NUP210L: variants seen among roughly 807,000 people sequenced by gnomAD.
NUP210L encodes the protein nuclear pore membrane glycoprotein 210-like.
A neutral mutation model predicts 208.5 loss-of-function variants in NUP210L; 74 were observed. That is an observed-to-expected ratio of 0.35 (90% CI 0.29 to 0.43). The LOEUF (loss-of-function observed/expected upper bound fraction) is 0.43, where lower values mean the gene tolerates loss of function less well. Ranked by LOEUF, NUP210L falls within the 20% of genes least tolerant of loss-of-function variation. The pLI, the probability that NUP210L is intolerant of heterozygous loss-of-function variation, is 1.00. For synonymous variants in NUP210L, 780 were observed against 816.9 expected, an observed-to-expected ratio of 0.95 and a Z score of 0.77; for missense variants, 1,843 against 2,289.4, an observed-to-expected ratio of 0.81 and a Z score of 3.98.
At chr1:154,045,557 A>G (rs1653127586) in intron 27 of NUP210L, among the ~76,000 whole-genome samples, 1 of 152,228 alleles carries the variant, frequency 6.6e-6, no homozygotes, top group Non-Finnish European at 1.5e-5. Context: ...ATAATCATAC[A>G]GTATTATCTG....
intron 1 of NUP210L, among the ~76,000 whole-genome samples, chr1:154,153,272 A>G (rs1659492388): frequency 6.6e-6 from 1 of 152,092 alleles, no homozygotes; most frequent in Non-Finnish European, 1.5e-5. Flanking sequence ...TGTGAGTCCA[A>G]CTCAAAATAC....
intron 33 of NUP210L, among the ~76,000 whole-genome samples, chr1:154,012,735 G>A (rs1216586468): frequency 6.6e-6 from 1 of 151,444 alleles, no homozygotes; most frequent in Non-Finnish European, 1.5e-5. Context: ...GCCGCGCGCG[G>A]TGGCTCACGT....
chr1:154,122,002 T>C (rs1460383836), intron 10 of NUP210L, among the ~76,000 whole-genome samples: 1 of 151,970 alleles, frequency 6.6e-6, no homozygotes, highest in Non-Finnish European at 1.5e-5. Context: ...AAACCAACAG[T>C]TGCTCTTTGA....
At chr1:154,054,929 C>T in intron 23 of NUP210L, 97 bp from the exon 24 acceptor site, 7 of 789,150 alleles carry the variant, frequency 8.9e-6, no homozygotes, top group Non-Finnish European at 1.5e-5. Context: ...TAGACAGAGT[C>T]TTGCTCTGTT....
At chr1:154,115,769 G>A (rs1406026700) in intron 12 of NUP210L, among the ~76,000 whole-genome samples, 2 of 151,998 alleles carry the variant, frequency 1.3e-5, no homozygotes, top group African/African-American at 4.8e-5. Flanking sequence ...GATAATAAAT[G>A]TTCACTGAGT....
intron 12 of NUP210L, among the ~76,000 whole-genome samples, chr1:154,116,148 G>A (rs949584022): frequency 2.0e-5 from 3 of 151,360 alleles, no homozygotes; most frequent in Admixed American, 6.6e-5. Context: ...CCAGCTACTC[G>A]GGAGGCTGAG....
At chr1:154,055,018 G>C (rs560670051) in intron 23 of NUP210L, among the ~76,000 whole-genome samples, 186 bp from the exon 24 acceptor site, 9 of 151,868 alleles carry the variant, frequency 5.9e-5, no homozygotes, top group African/African-American at 2.2e-4. Flanking sequence ...CTCCGGCTTT[G>C]GCCTCCTGAG....
At chr1:154,101,447 G>A (rs905456538) in intron 13 of NUP210L, among the ~76,000 whole-genome samples, 8 of 152,200 alleles carry the variant, frequency 5.3e-5, no homozygotes, top group African/African-American at 1.9e-4. Context: ...TTGCACTCCA[G>A]CCTGGTGACA....
At chr1:154,116,801 T>C (rs1244087328) in intron 12 of NUP210L, among the ~76,000 whole-genome samples, 1 of 152,170 alleles carries the variant, frequency 6.6e-6, no homozygotes, top group Non-Finnish European at 1.5e-5. Flanking sequence ...TTCAATCTTT[T>C]AGTAACAGAT....
At chr1:154,114,142 C>CAA (rs768988851) in intron 12 of NUP210L, among the ~76,000 whole-genome samples, 5 of 120,230 alleles carry the variant, frequency 4.2e-5, no homozygotes, top group African/African-American at 3.1e-5. Flanking sequence ...GACTCCATCT[C>CAA]AAAAAAAAAA....
Position 154,009,983 on chromosome 1 carries a change from C to G in NUP210L, c.4919G>C (p.Ser1640Thr), listed in dbSNP as rs988436364. The change falls in exon 35 of 40, where the codon AGT (serine) becomes ACT (threonine). Residue 1640 changes from serine to threonine, a missense_variant. By Grantham distance (58) the Ser-to-Thr change is moderately conservative. This residue lies in a region of NUP210L where 781 missense variants were observed against 973.8 expected (regional missense o/e 0.80). Coordinates refer to ENST00000368559, the Ensembl canonical transcript of NUP210L. ...CTGGTGTAACTTACCTTTCTCCATA[C>G]TGAAATCTGAATGGACCTGAAAGAC... is the stretch of plus-strand genomic sequence containing the variant. 28 of 1,610,098 alleles carry G rather than the reference C, an allele frequency of 1.7e-5. No individual in the cohort carries two copies. The highest frequency in any genetic ancestry group is 2.2e-5 in the Non-Finnish European group (26 of 1,178,394).
chr1:154,057,164 A>G (rs1200748938), intron 22 of NUP210L, among the ~76,000 whole-genome samples: 4 of 151,940 alleles, frequency 2.6e-5, no homozygotes, highest in African/African-American at 9.7e-5. Context: ...TTTTTTGTAG[A>G]GCCGGGGTCT....
At position 154,002,117 on chromosome 1, in the gene NUP210L, T is replaced by G. The variant is rs554610639; in HGVS notation, c.4931-132A>C. 1.6e-4 allele frequency: 149 copies of G among 906,722 alleles called. No homozygotes were observed. In the African/African-American group the frequency reaches 1.8e-3, roughly 11 times the overall value. The allele number at this position is 906,722 out of a possible 1,614,324, so 56.2% of individuals were successfully genotyped here. A position where few individuals can be genotyped will look rare whatever the true frequency, so the allele number is the denominator to read the frequency against. ...GAAAATGTGAATTTAGTTTTGAGTA[T>G]TCAATATCAGCACAATATTGGCCAC... On this transcript the variant is annotated intron_variant, in intron 35 of 39. Transcript: ENST00000368559.
intron 35 of NUP210L, among the ~76,000 whole-genome samples, chr1:154,008,966 G>T (rs150490996): frequency 1.3e-5 from 2 of 151,390 alleles, no homozygotes; most frequent in African/African-American, 4.9e-5. Flanking sequence ...CTGGAGTGCA[G>T]TGGTGTGATT....
At chr1:154,084,918 A>C (rs1247429967) in intron 16 of NUP210L, among the ~76,000 whole-genome samples, 1 of 147,940 alleles carries the variant, frequency 6.8e-6, no homozygotes, top group Non-Finnish European at 1.5e-5. Flanking sequence ...GGAAATTAAA[A>C]ATACTCCTAA....
intron 23 of NUP210L, among the ~76,000 whole-genome samples, chr1:154,056,145 A>G (rs1414585135): frequency 6.6e-6 from 1 of 152,106 alleles, no homozygotes; most frequent in Non-Finnish European, 1.5e-5. Flanking sequence ...TGCTTTCCAC[A>G]TTTTCTTTTC....
At chr1:154,016,333 G>GA (rs1328501900) in intron 33 of NUP210L, among the ~76,000 whole-genome samples, 4 of 151,876 alleles carry the variant, frequency 2.6e-5, no homozygotes, top group Non-Finnish European at 4.4e-5. Flanking sequence ...TTTGAGGAAT[G>GA]AAAAAAGAGG....
At chr1:154,129,187 G>T (rs1196125323) in intron 8 of NUP210L, 90 bp downstream of exon 8, 1 of 736,636 alleles carries the variant, frequency 1.4e-6, no homozygotes, top group Non-Finnish European at 2.3e-6. Context: ...CAGAATGAAA[G>T]TTGAAAGTTG....
intron 16 of NUP210L, among the ~76,000 whole-genome samples, chr1:154,073,062 A>T (rs1654839700): frequency 6.6e-6 from 1 of 152,212 alleles, no homozygotes; most frequent in Non-Finnish European, 1.5e-5. Context: ...AATGAACTCC[A>T]ACAAATTAGC....
Sources: allele counts gnomAD v4.1 joint callset (sites outside exome capture counted in the v4.1 genomes callset), GRCh38; gene constraint gnomAD v4.1.1; regional missense constraint gnomAD v4.1.1; transcripts MANE v1.5; gene names NCBI Gene and HGNC (gene_info 2026-07-23, HGNC 2026-07-21).